The following MCCC2 variants were observed in gnomAD, a reference collection of about 807,000 sequenced individuals.
The protein encoded by MCCC2 is methylcrotonyl-CoA carboxylase subunit 2.
A neutral mutation model predicts 77.2 loss-of-function variants in MCCC2; 52 were observed. The observed-to-expected ratio is 0.67, with a 90% CI of 0.54 to 0.85. The LOEUF is 0.85. Ranked by LOEUF, MCCC2 falls within the 40% of genes least tolerant of loss-of-function variation. MCCC2 has a pLI of 0.00. For missense variants in MCCC2, 682 were observed against 703.2 expected, an observed-to-expected ratio of 0.97 and a Z score of 0.34; for synonymous variants, 253 against 248.4, an observed-to-expected ratio of 1.02 and a Z score of -0.18.
intron 16 of MCCC2, among the ~76,000 whole-genome samples, chr5:71,655,498 C>T (rs1322050485): frequency 6.6e-6 from 1 of 152,190 alleles, no homozygotes; most frequent in Non-Finnish European, 1.5e-5. Context: ...TATTAAGCAG[C>T]CCCTTCATCA....
chr5:71,625,967 A>T (rs1168770262), intron 6 of MCCC2, among the ~76,000 whole-genome samples: 1 of 152,202 alleles, frequency 6.6e-6, no homozygotes. Flanking sequence ...TTTAGGAGTC[A>T]TCAGCCAAAC....
intron 12 of MCCC2, among the ~76,000 whole-genome samples, chr5:71,644,221 C>A (rs939747380): frequency 9.9e-5 from 15 of 152,054 alleles, no homozygotes; most frequent in Admixed American, 6.5e-5. Flanking sequence ...GTTATAATTG[C>A]TATAGAGGAC....
At position 71,607,628 on chromosome 5, in the gene MCCC2, G is replaced by A. The variant is rs1306980665; in HGVS notation, c.624+3160G>A. Reference sequence around the variant, plus strand: ...TCTTGCCTTCTGCTAGCTTTTGAACGTGTTTGCTCTTGCTTTTCTAGTTCT... The same window carrying A: ...TCTTGCCTTCTGCTAGCTTTTGAACATGTTTGCTCTTGCTTTTCTAGTTCT... On this transcript the variant is annotated intron_variant, in intron 6 of 16. Transcript: ENST00000340941. Among the ~76,000 whole-genome samples the A allele has an allele frequency of 2.7e-5, 4 of 146,028 alleles. No homozygotes were observed. In the Admixed American group the frequency reaches 2.8e-4, roughly 10 times the overall value.
chr5:71,619,124 A>G (rs1414622593), intron 6 of MCCC2, among the ~76,000 whole-genome samples: 1 of 151,372 alleles, frequency 6.6e-6, no homozygotes, highest in Admixed American at 6.6e-5. Flanking sequence ...TCTCCCCCCT[A>G]CCTTACCTCC....
At chr5:71,606,904 C>A (rs1159688460) in intron 6 of MCCC2, among the ~76,000 whole-genome samples, 1 of 151,124 alleles carries the variant, frequency 6.6e-6, no homozygotes, top group African/African-American at 2.4e-5. Flanking sequence ...ATTGAACCAG[C>A]CTTGCATCCC....
chr5:71,619,854 G>T (rs1465163120), intron 6 of MCCC2, among the ~76,000 whole-genome samples: 2 of 152,056 alleles, frequency 1.3e-5, no homozygotes, highest in African/African-American at 4.8e-5. Context: ...AGCCGGGCAT[G>T]GTGGTGGGTG....
At chr5:71,626,526 A>C (rs1746531537) in intron 6 of MCCC2, 114 bp from the exon 7 acceptor site, 1 of 790,282 alleles carries the variant, frequency 1.3e-6, no homozygotes, top group Admixed American at 2.1e-5. Context: ...ATGTTCAGGG[A>C]CCAACCAGTA....
chr5:71,634,345 G>T (rs771224848), intron 8 of MCCC2, among the ~76,000 whole-genome samples: 1 of 152,170 alleles, frequency 6.6e-6, no homozygotes, highest in Non-Finnish European at 1.5e-5. Flanking sequence ...TACTAGTTCC[G>T]ATTTTTACCC....
rs1456800952 is a variant in MCCC2, at chr5:71,635,195, A to G, written c.948A>G (p.Glu316=). The part of the protein sequence containing the change: ...PSEEPLFPAD[E]LYGIVGANLK... ...AAGAGCCTTTATTTCCTGCTGATGA[A>G]TTGTATGGAATAGTTGGTGCTAACC... The change falls in exon 10 of 17, where the codon GAA becomes GAG. Residue 316 remains glutamate, a synonymous_variant. Coordinates refer to ENST00000340941, the MANE Select transcript of MCCC2 (RefSeq NM_022132.5). 1.2e-6 allele frequency: 2 copies of G among 1,614,132 alleles called. No individual in the cohort carries two copies. The highest frequency in any genetic ancestry group is 3.3e-5 in the Admixed American group (2 of 60,028).
intron 5 of MCCC2, among the ~76,000 whole-genome samples, chr5:71,603,415 CAAAAAAAA>C (rs10538231): frequency 1.3e-5 from 1 of 74,230 alleles, no homozygotes; most frequent in Admixed American, 1.7e-4. Flanking sequence ...GAGACTGTCT[CAAAAAAAA>C]AAAAAAAAAA....
intron 13 of MCCC2, among the ~76,000 whole-genome samples, chr5:71,646,826 A>C (rs1747286542): frequency 1.3e-5 from 2 of 152,204 alleles, no homozygotes; most frequent in South Asian, 4.1e-4. Context: ...TGCTTTTCCT[A>C]GGACCCTTTT....
At chr5:71,653,708 A>G (rs567023370) in intron 16 of MCCC2, among the ~76,000 whole-genome samples, 4 of 152,074 alleles carry the variant, frequency 2.6e-5, no homozygotes, top group East Asian at 1.9e-4. Flanking sequence ...AAAATTAGCC[A>G]GGCGTGATGG....
chr5:71,607,612 C>T (rs1304404099), intron 6 of MCCC2, among the ~76,000 whole-genome samples: 2 of 146,058 alleles, frequency 1.4e-5, no homozygotes, highest in African/African-American at 5.1e-5. Context: ...TTCTTGCCTT[C>T]TGCTAGCTTT....
intron 16 of MCCC2, 92 bp downstream of exon 16, chr5:71,652,846 G>A (rs1580334398): frequency 2.9e-6 from 3 of 1,038,608 alleles, no homozygotes; most frequent in East Asian, 4.8e-5. Context: ...AGATGGTCCA[G>A]CATTCATAGG....
intron 11 of MCCC2, 37 bp from the exon 12 acceptor site, chr5:71,643,782 G>T: frequency 6.2e-7 from 1 of 1,613,904 alleles, no homozygotes; most frequent in Non-Finnish European, 8.5e-7. Flanking sequence ...CCTTGGAAAA[G>T]CACAAGACAT....
At chr5:71,625,780 C>T (rs1251600572) in intron 6 of MCCC2, among the ~76,000 whole-genome samples, 2 of 152,148 alleles carry the variant, frequency 1.3e-5, no homozygotes, top group African/African-American at 4.8e-5. Flanking sequence ...ACTCATGTTA[C>T]CTTTCATCTT....
intron 1 of MCCC2, among the ~76,000 whole-genome samples, chr5:71,590,610 A>G (rs555188775): frequency 1.8e-4 from 28 of 152,258 alleles, no homozygotes; most frequent in African/African-American, 6.7e-4. Flanking sequence ...TGAGGTCAGG[A>G]GTTCTAGACC....
At chr5:71,608,683 A>C (rs1013037577) in intron 6 of MCCC2, among the ~76,000 whole-genome samples, 28 of 152,134 alleles carry the variant, frequency 1.8e-4, no homozygotes, top group Admixed American at 1.7e-3. Flanking sequence ...GAAGGTCTTT[A>C]CATTTTGGCT....
intron 2 of MCCC2, among the ~76,000 whole-genome samples, chr5:71,594,544 G>A (rs1431726804): frequency 4.6e-5 from 5 of 109,668 alleles, no homozygotes; most frequent in Non-Finnish European, 8.1e-5. Flanking sequence ...AAAAAAAAAA[G>A]AGGTGGGTTT....
Sources: gnomAD v4.1 joint callset for allele counts (sites outside exome capture counted in the v4.1 genomes callset) on GRCh38, gnomAD v4.1.1 for gene constraint, MANE v1.5 for transcripts, NCBI Gene and HGNC (gene_info 2026-07-23, HGNC 2026-07-21) for gene names.